The following ENTHD1 variants were observed in gnomAD, a reference collection of about 807,000 sequenced individuals.
The protein encoded by ENTHD1 is ENTH domain containing 1, also known as ENTH domain-containing protein 1.
In ENTHD1, 23 loss-of-function variants were observed where a neutral mutation model predicts 39.1. That is an observed-to-expected ratio of 0.59 (90% CI 0.42 to 0.83). The LOEUF (loss-of-function observed/expected upper bound fraction) is 0.83, where lower values mean the gene tolerates loss of function less well. Among genes scored for constraint, ENTHD1 ranks in the 40% least tolerant of loss-of-function variants. ENTHD1 has a pLI of 0.00. For synonymous variants in ENTHD1, 230 were observed against 258.2 expected (o/e 0.89, Z 1.05); for missense variants, 624 against 705.4 (o/e 0.88, Z 1.31).
At chr22:39,870,403 T>C (rs1023477423) in intron 2 of ENTHD1, among the ~76,000 whole-genome samples, 3 of 152,076 alleles carry the variant, frequency 2.0e-5, no homozygotes, top group Non-Finnish European at 2.9e-5. Flanking sequence ...GAACAGATTA[T>C]AGGCCCTAAT....
At chr22:39,766,019 CAA>C (rs11367784) in intron 5 of ENTHD1, among the ~76,000 whole-genome samples, 2,172 of 47,914 alleles carry the variant, frequency 0.045, 2 homozygotes, top group Middle Eastern at 0.056. Context: ...CCCTCAGCTA[CAA>C]AAAAAAAAAA....
In ENTHD1 at chr22:39,812,220, T is replaced by C. The variant is rs74897689; in HGVS notation, c.832+8773A>G. 3.2e-3 allele frequency among the ~76,000 whole-genome samples: 482 copies of C among 152,248 alleles called. 4 individuals carry two copies. The highest frequency in any genetic ancestry group is 0.026 in the East Asian group (134 of 5,172). On this transcript the variant is annotated intron_variant, in intron 5 of 6. Coordinates refer to ENST00000325157, the MANE Select transcript of ENTHD1 (RefSeq NM_152512.4). ...GGTTTAAACATGAAATTAGCCAGGA[T>C]TGCTAATACGTCAAGTATGCCAGCG...
intron 5 of ENTHD1, among the ~76,000 whole-genome samples, chr22:39,769,807 CA>C (rs1190662270): frequency 3.3e-5 from 5 of 151,986 alleles, no homozygotes; most frequent in African/African-American, 1.2e-4. Flanking sequence ...GAAGAGACAA[CA>C]AAAGATAAGA....
At chr22:39,779,636 G>C (rs534997870) in intron 5 of ENTHD1, among the ~76,000 whole-genome samples, 105 of 152,012 alleles carry the variant, frequency 6.9e-4, no homozygotes, top group African/African-American at 2.5e-3. Context: ...CTCTAATACT[G>C]TAACTGTGTT....
At chr22:39,875,810 C>T (rs2066284405) in intron 2 of ENTHD1, 12 of 1,613,444 alleles carry the variant, frequency 7.4e-6, no homozygotes, top group Middle Eastern at 1.7e-4. Flanking sequence ...AGGCAAACCC[C>T]TGTTTGTACG....
chr22:39,873,079 T>C (rs2066257340), intron 2 of ENTHD1, among the ~76,000 whole-genome samples: 1 of 152,002 alleles, frequency 6.6e-6, no homozygotes, highest in Non-Finnish European at 1.5e-5. Flanking sequence ...CCCACAGTGC[T>C]GGGATTACAG....
intron 2 of ENTHD1, among the ~76,000 whole-genome samples, chr22:39,883,786 C>T (rs769396548): frequency 7.1e-6 from 1 of 140,482 alleles, no homozygotes; most frequent in Admixed American, 7.8e-5. Flanking sequence ...ACCTGGGAGG[C>T]GGAGCTTGCA....
intron 6 of ENTHD1, among the ~76,000 whole-genome samples, chr22:39,760,551 A>G (rs1388582759): frequency 6.6e-6 from 1 of 151,760 alleles, no homozygotes; most frequent in African/African-American, 2.4e-5. Context: ...CATATAGTTG[A>G]CTCTTGCTTT....
chr22:39,808,964 G>T (rs886712522), intron 5 of ENTHD1, among the ~76,000 whole-genome samples: 2 of 152,112 alleles, frequency 1.3e-5, no homozygotes, highest in Non-Finnish European at 2.9e-5. Context: ...GTTTTAATTG[G>T]ATGTCTTAAT....
chr22:39,815,863 T>C (rs1200233514), intron 5 of ENTHD1, among the ~76,000 whole-genome samples: 1 of 151,870 alleles, frequency 6.6e-6, no homozygotes, highest in African/African-American at 2.4e-5. Flanking sequence ...CACAGAAAAA[T>C]AAATTCATAA....
chr22:39,803,818 C>T (rs1247673250), intron 5 of ENTHD1, among the ~76,000 whole-genome samples: 2 of 152,102 alleles, frequency 1.3e-5, no homozygotes, highest in East Asian at 3.9e-4. Flanking sequence ...TAACAGAAGG[C>T]TTTATTAACA....
chr22:39,824,664 A>G (rs1258049923), intron 4 of ENTHD1, among the ~76,000 whole-genome samples: 2 of 152,152 alleles, frequency 1.3e-5, no homozygotes, highest in African/African-American at 2.4e-5. Context: ...TATTTTTTGA[A>G]AAGGCTAATC....
intron 5 of ENTHD1, among the ~76,000 whole-genome samples, chr22:39,790,783 C>T (rs2065497657): frequency 1.3e-5 from 2 of 152,236 alleles, no homozygotes; most frequent in Admixed American, 1.3e-4. Context: ...CAAAGCCTCT[C>T]TCACTAGGGT....
chr22:39,822,727 A>T (rs2065793069), intron 4 of ENTHD1, among the ~76,000 whole-genome samples: 1 of 152,196 alleles, frequency 6.6e-6, no homozygotes, highest in Non-Finnish European at 1.5e-5. Context: ...ATTCCTGGAT[A>T]CTACATAGTA....
At chr22:39,855,999 C>A (rs112303390) in intron 3 of ENTHD1, among the ~76,000 whole-genome samples, 2 of 152,102 alleles carry the variant, frequency 1.3e-5, no homozygotes, top group Non-Finnish European at 1.5e-5. Context: ...CGTGGCCGGG[C>A]GCGGTGGCTC....
intron 5 of ENTHD1, among the ~76,000 whole-genome samples, chr22:39,815,638 C>T (rs180728434): frequency 3.9e-5 from 6 of 152,164 alleles, no homozygotes; most frequent in Admixed American, 3.3e-4. Context: ...AATATATGCC[C>T]TAGAGAAACT....
intron 3 of ENTHD1, among the ~76,000 whole-genome samples, chr22:39,841,742 A>G (rs1258974166): frequency 7.3e-5 from 11 of 151,000 alleles, no homozygotes; most frequent in Non-Finnish European, 1.5e-4. Flanking sequence ...TTACATTTAA[A>G]GTTAATATTG....
At chr22:39,784,255 G>A (rs1031743360) in intron 5 of ENTHD1, among the ~76,000 whole-genome samples, 2 of 152,142 alleles carry the variant, frequency 1.3e-5, no homozygotes, top group Admixed American at 1.3e-4. Context: ...ATGAGCGCTG[G>A]TGAGAATGTG....
intron 2 of ENTHD1, among the ~76,000 whole-genome samples, chr22:39,872,691 C>A (rs2066253621): frequency 6.6e-6 from 1 of 151,908 alleles, no homozygotes; most frequent in Admixed American, 6.6e-5. Context: ...TTGGAGGATA[C>A]AATGGGAGAG....
Sources: gnomAD v4.1 joint callset for allele counts (sites outside exome capture counted in the v4.1 genomes callset) on GRCh38, gnomAD v4.1.1 for gene constraint, MANE v1.5 for transcripts, NCBI Gene and HGNC (gene_info 2026-07-23, HGNC 2026-07-21) for gene names.